PRH1: variants seen among roughly 807,000 people sequenced by gnomAD.
PRH1 encodes salivary acidic proline-rich phosphoprotein 1/2.
In PRH1, 7 loss-of-function variants were observed where a neutral mutation model predicts 7.9. The observed-to-expected ratio is 0.89, with a 90% CI of 0.50 to 1.67. The LOEUF is 1.67. Among genes scored for constraint, PRH1 ranks in the 40% most tolerant of loss-of-function variants. PRH1 has a pLI of 0.00. For missense variants in PRH1, 109 were observed against 223.6 expected (o/e 0.49, Z 3.27); for synonymous variants, 45 against 80.8 (o/e 0.56, Z 2.38).
chr12:11,030,896 A>G (rs765554760), intron 1 of PRH1: 1 of 1,614,262 alleles, frequency 6.2e-7, no homozygotes, highest in Non-Finnish European at 8.5e-7. Context: ...TTTCATGTTT[A>G]TCACAAAAAG....
intron 2 of PRH1, among the ~76,000 whole-genome samples, chr12:10,933,890 A>G (rs1312989190): frequency 1.1e-4 from 16 of 152,266 alleles, no homozygotes; most frequent in African/African-American, 3.8e-4. Context: ...ATATATTCAA[A>G]TGGAAGGAGT....
At chr12:11,118,818 C>A (rs993606276), downstream of PRH1, among the ~76,000 whole-genome samples, 1 of 151,944 alleles carries the variant, frequency 6.6e-6, no homozygotes, top group African/African-American at 2.4e-5. Flanking sequence ...CATGGTGAAA[C>A]CCCATCGCTA....
chr12:10,948,701 C>T (rs976916846), intron 2 of PRH1, among the ~76,000 whole-genome samples: 11 of 152,094 alleles, frequency 7.2e-5, no homozygotes, highest in African/African-American at 2.7e-4. Flanking sequence ...ATATTCTGGC[C>T]ATTTGAGTTA....
At chr12:11,149,932 C>T (rs1947010633) in intron 1 of PRH1, among the ~76,000 whole-genome samples, 1 of 133,898 alleles carries the variant, frequency 7.5e-6, no homozygotes, top group Admixed American at 7.6e-5. Flanking sequence ...TGACAAAGGG[C>T]TAATATCCAG....
chr12:10,901,872 T>C (rs1399805026), intron 2 of PRH1, among the ~76,000 whole-genome samples: 1 of 151,886 alleles, frequency 6.6e-6, no homozygotes, highest in Non-Finnish European at 1.5e-5. Context: ...TCCTACCTTA[T>C]GGAAATAATT....
chr12:11,171,039 AT>A (rs1405567357), intron 1 of PRH1, among the ~76,000 whole-genome samples: 1 of 152,190 alleles, frequency 6.6e-6, no homozygotes, highest in African/African-American at 2.4e-5. Context: ...TCTCGCTTAG[AT>A]TTTTTCATTT....
chr12:10,921,233 A>G (rs1205866382), intron 2 of PRH1, among the ~76,000 whole-genome samples: 1 of 152,078 alleles, frequency 6.6e-6, no homozygotes, highest in Non-Finnish European at 1.5e-5. Flanking sequence ...TCACTGAAGT[A>G]GTTTGGAGAA....
At chr12:10,986,546 A>C in intron 1 of PRH1, 1 of 1,614,126 alleles carries the variant, frequency 6.2e-7, no homozygotes, top group Non-Finnish European at 8.5e-7. Flanking sequence ...TGAGCAAATA[A>C]AATATGCTGA....
At chr12:10,981,335 T>C (rs1288162859) in intron 1 of PRH1, among the ~76,000 whole-genome samples, 2 of 150,424 alleles carry the variant, frequency 1.3e-5, no homozygotes, top group Admixed American at 6.7e-5. Flanking sequence ...CAGTGGTCCA[T>C]GGGATACGGT....
At chr12:11,051,061 T>C (rs1256629107), upstream of PRH1, among the ~76,000 whole-genome samples, 1 of 152,252 alleles carries the variant, frequency 6.6e-6, no homozygotes. Context: ...CACAAATATC[T>C]AATGCAGTTT....
intron 1 of PRH1, chr12:10,997,651 T>C: frequency 1.2e-6 from 2 of 1,613,598 alleles, no homozygotes; most frequent in East Asian, 2.2e-5. Flanking sequence ...TTAAATTAGA[T>C]GAAGTTGGAT....
chr12:11,048,641 C>G (rs74722400), upstream of PRH1: 100,916 of 364,640 alleles, frequency 0.28, 1,947 homozygotes, highest in South Asian at 0.39. Context: ...ATCTTCTTGA[C>G]ATGTTTACAT....
chr12:10,973,571 C>T, intron 2 of PRH1: 1 of 700,902 alleles, frequency 1.4e-6, no homozygotes, highest in Non-Finnish European at 2.6e-6. Flanking sequence ...TAACTGCTTG[C>T]AATTTCACCT....
chr12:11,166,474 T>C (rs572974747), intron 1 of PRH1: 9 of 152,354 alleles, frequency 5.9e-5, no homozygotes, highest in African/African-American at 2.2e-4. Flanking sequence ...CAATCAGCTA[T>C]TGCCCAATAT....
chr12:11,000,623 G>A (rs1940541063), intron 1 of PRH1, among the ~76,000 whole-genome samples: 1 of 151,934 alleles, frequency 6.6e-6, no homozygotes, highest in South Asian at 2.1e-4. Flanking sequence ...TCACTTTTGG[G>A]AAAATCTCCA....
intron 1 of PRH1, among the ~76,000 whole-genome samples, chr12:11,023,590 C>G (rs1226910534): frequency 6.6e-6 from 1 of 152,206 alleles, no homozygotes. Flanking sequence ...TAATTTGCTT[C>G]AGTCAACAGG....
intron 2 of PRH1, chr12:10,931,296 A>G: frequency 3.0e-6 from 3 of 1,001,592 alleles, no homozygotes; most frequent in Non-Finnish European, 4.3e-6. Flanking sequence ...CTATCTTCAA[A>G]TTACCTCTCT....
At chr12:11,133,284 G>T (rs1012075587) in intron 1 of PRH1, 5 of 1,602,964 alleles carry the variant, frequency 3.1e-6, no homozygotes, top group Non-Finnish European at 3.4e-6. Context: ...TTTGTTTTCT[G>T]CTAGAAGACA....
chr12:10,918,843 ATCT>A (rs1048466109), intron 2 of PRH1, among the ~76,000 whole-genome samples: 28 of 152,258 alleles, frequency 1.8e-4, no homozygotes, highest in Non-Finnish European at 3.5e-4. Flanking sequence ...AATTATTTTT[ATCT>A]TTTTTATAAA....
Sources: gnomAD v4.1 joint callset for allele counts (sites outside exome capture counted in the v4.1 genomes callset) on GRCh38, gnomAD v4.1.1 for gene constraint, MANE v1.5 for transcripts, NCBI Gene and HGNC (gene_info 2026-07-23, HGNC 2026-07-21) for gene names.